Variants in GPM6A observed in about 807,000 individuals in gnomAD.
GPM6A encodes the protein neuronal membrane glycoprotein M6-a.
Under a neutral mutation model 32.1 loss-of-function variants are expected in GPM6A, and 7 were observed. The ratio of observed to expected loss-of-function variants is 0.22; its 90% confidence interval spans 0.12 to 0.41. The LOEUF (loss-of-function observed/expected upper bound fraction) is 0.41, where lower values mean the gene tolerates loss of function less well. Ranked by LOEUF, GPM6A falls within the 10% of genes least tolerant of loss-of-function variation. GPM6A has a pLI of 1.00. For missense variants in GPM6A, 235 were observed against 347.2 expected (o/e 0.68, Z 2.57); for synonymous variants, 130 against 123.4 (o/e 1.05, Z -0.35).
chr4:175,722,511 G>A (rs1377179460), intron 1 of GPM6A, among the ~76,000 whole-genome samples: 1 of 152,028 alleles, frequency 6.6e-6, no homozygotes, highest in Non-Finnish European at 1.5e-5. Context: ...ACCACGGATC[G>A]CGGCTGCACC....
rs577309132 is a variant in GPM6A, at chr4:175,841,301, G to A, written c.-22-29052C>T. 2.0e-5 allele frequency among the ~76,000 whole-genome samples: 3 copies of A among 152,122 alleles called. No homozygotes were observed. In the East Asian group the frequency reaches 5.8e-4, roughly 29 times the overall value. On this transcript the variant is annotated intron_variant, in intron 1 of 7. Transcript: ENST00000280187. Reference sequence around the variant, plus strand: ...AGCTTAAAATTGGAAATGGATTCTGGAATTCTTTGTCATCATAACAATTTT... The same window carrying A: ...AGCTTAAAATTGGAAATGGATTCTGAAATTCTTTGTCATCATAACAATTTT...
At chr4:175,877,035 C>T (rs1737104467) in intron 1 of GPM6A, among the ~76,000 whole-genome samples, 1 of 152,174 alleles carries the variant, frequency 6.6e-6, no homozygotes, top group Admixed American at 6.5e-5. Flanking sequence ...GCTTTGGAGG[C>T]TCTGGAAACA....
intron 1 of GPM6A, among the ~76,000 whole-genome samples, chr4:175,859,935 T>C (rs1736523853): frequency 6.6e-6 from 1 of 152,052 alleles, no homozygotes; most frequent in South Asian, 2.1e-4. Context: ...AAACTATACA[T>C]TTCTAAAGGA....
At chr4:175,694,980 C>A (rs375378128) in intron 2 of GPM6A, among the ~76,000 whole-genome samples, 10 of 152,258 alleles carry the variant, frequency 6.6e-5, no homozygotes, top group Admixed American at 5.9e-4. Context: ...GGCTAAAAGA[C>A]CCCCAAGTAT....
chr4:175,733,254 A>G (rs1731510401), intron 1 of GPM6A, among the ~76,000 whole-genome samples: 1 of 152,220 alleles, frequency 6.6e-6, no homozygotes. Flanking sequence ...CTGTAATCCC[A>G]GCACTTCGGG....
At chr4:175,788,886 G>C (rs2111269314) in intron 1 of GPM6A, among the ~76,000 whole-genome samples, 1 of 152,226 alleles carries the variant, frequency 6.6e-6, no homozygotes. Flanking sequence ...TAATAAATTA[G>C]AGCCATAGCT....
chr4:175,990,478 T>C, intron 1 of GPM6A, among the ~76,000 whole-genome samples: 1 of 152,112 alleles, frequency 6.6e-6, no homozygotes, highest in Middle Eastern at 3.2e-3. Context: ...AAAGCATAAG[T>C]CCTTTAGAAT....
At chr4:175,881,078 T>C (rs1737258707) in intron 1 of GPM6A, among the ~76,000 whole-genome samples, 1 of 152,102 alleles carries the variant, frequency 6.6e-6, no homozygotes, top group East Asian at 1.9e-4. Context: ...GGGAGAAAAG[T>C]TTTGCAATCT....
chr4:175,986,746 A>T (rs562335484), intron 1 of GPM6A, among the ~76,000 whole-genome samples: 32 of 152,066 alleles, frequency 2.1e-4, no homozygotes, highest in Non-Finnish European at 4.3e-4. Context: ...AATAGCCAAC[A>T]GTGCATCTAC....
At chr4:175,739,012 T>C in intron 1 of GPM6A, among the ~76,000 whole-genome samples, 1 of 152,168 alleles carries the variant, frequency 6.6e-6, no homozygotes, top group Non-Finnish European at 1.5e-5. Context: ...CTGACATAAT[T>C]TGTGGAGGTG....
chr4:175,871,197 A>G (rs1315253305), intron 1 of GPM6A, among the ~76,000 whole-genome samples: 4 of 152,106 alleles, frequency 2.6e-5, no homozygotes, highest in African/African-American at 9.7e-5. Flanking sequence ...TGCCAGGCGC[A>G]GTGGCTCAGG....
chr4:175,843,006 T>C lies in GPM6A; in HGVS notation c.-22-30757A>G, dbSNP rs1011863135. On this transcript the variant is annotated intron_variant, in intron 1 of 7. Coordinates refer to the GPM6A transcript ENST00000280187. ...AAATATATAAATTACATATATATTT[T>C]CTGTATAAACACATTACATATTTTA... Among the ~76,000 whole-genome samples the C allele has an allele frequency of 2.6e-5, 4 of 151,254 alleles. No homozygotes were observed. In the South Asian group the frequency reaches 8.3e-4, roughly 31 times the overall value.
chr4:175,771,398 C>T (rs2111232783), intron 1 of GPM6A, among the ~76,000 whole-genome samples: 1 of 151,806 alleles, frequency 6.6e-6, no homozygotes, highest in South Asian at 2.1e-4. Context: ...ATGGCGAAAC[C>T]CTGTCTCTAC....
intron 1 of GPM6A, among the ~76,000 whole-genome samples, chr4:175,831,911 A>C (rs1043757351): frequency 4.0e-5 from 6 of 151,140 alleles, no homozygotes; most frequent in Non-Finnish European, 7.4e-5. Flanking sequence ...TAGAGACGGG[A>C]TTTCACCACG....
At chr4:175,913,273 C>T (rs1244872402) in intron 1 of GPM6A, among the ~76,000 whole-genome samples, 1 of 152,124 alleles carries the variant, frequency 6.6e-6, no homozygotes, top group Admixed American at 6.6e-5. Flanking sequence ...CAGAATCACC[C>T]ACTATGTCTT....
At chr4:175,723,475 T>C (rs1746246609) in intron 1 of GPM6A, among the ~76,000 whole-genome samples, 1 of 152,206 alleles carries the variant, frequency 6.6e-6, no homozygotes, top group African/African-American at 2.4e-5. Flanking sequence ...AGTTGACTAA[T>C]CAAGAGGATG....
At chr4:175,673,658 T>A in intron 3 of GPM6A, 22 bp downstream of exon 3, 1 of 1,561,072 alleles carries the variant, frequency 6.4e-7, no homozygotes, top group Non-Finnish European at 8.8e-7. Context: ...CATTAAATAC[T>A]GAATGTAGAG....
intron 1 of GPM6A, among the ~76,000 whole-genome samples, chr4:175,983,936 C>T (rs946106610): frequency 3.3e-5 from 5 of 151,932 alleles, no homozygotes; most frequent in African/African-American, 9.7e-5. Context: ...CAACTATTAA[C>T]TCAGTTTATT....
intron 1 of GPM6A, among the ~76,000 whole-genome samples, chr4:175,750,148 TC>T (rs1732267980): frequency 6.6e-6 from 1 of 152,008 alleles, no homozygotes; most frequent in Non-Finnish European, 1.5e-5. Flanking sequence ...AACCTCTGCC[TC>T]CCAGGTTCAA....
Sources: gnomAD v4.1 joint callset for allele counts (sites outside exome capture counted in the v4.1 genomes callset) on GRCh38, gnomAD v4.1.1 for gene constraint, MANE v1.5 for transcripts, NCBI Gene and HGNC (gene_info 2026-07-23, HGNC 2026-07-21) for gene names.